PRKAR1B: variants seen among roughly 807,000 people sequenced by gnomAD.
The protein encoded by PRKAR1B is cAMP-dependent protein kinase type I-beta regulatory subunit.
PRKAR1B carries 22 observed loss-of-function variants against 46.5 expected under a neutral mutation model. The observed-to-expected ratio is 0.47, with a 90% CI of 0.34 to 0.68. PRKAR1B has a LOEUF of 0.68. Among genes scored for constraint, PRKAR1B ranks in the 30% least tolerant of loss-of-function variants. The pLI, the probability that PRKAR1B is intolerant of heterozygous loss-of-function variation, is 0.01. For missense variants in PRKAR1B, 445 were observed against 535.6 expected (o/e 0.83, Z 1.67); for synonymous variants, 259 against 217.7 (o/e 1.19, Z -1.67).
intron 4 of PRKAR1B, among the ~76,000 whole-genome samples, chr7:669,328 G>T (rs192386503): frequency 1.8e-3 from 279 of 152,306 alleles, no homozygotes; most frequent in Non-Finnish European, 3.4e-3. Flanking sequence ...GGCTATCAGG[G>T]GCCCAGGAGG....
chr7:640,763 C>G (rs1784345311), intron 4 of PRKAR1B, among the ~76,000 whole-genome samples: 1 of 112,602 alleles, frequency 8.9e-6, no homozygotes, highest in South Asian at 3.3e-4. Flanking sequence ...AACTCTGTCT[C>G]AAACACACAC....
At chr7:552,175 C>G (rs111434208) in intron 9 of PRKAR1B, among the ~76,000 whole-genome samples, 1 of 99,268 alleles carries the variant, frequency 1.0e-5, no homozygotes, top group African/African-American at 4.7e-5. Context: ...ACGTCACCAC[C>G]CAAACCCCCA....
At chr7:607,536 G>A (rs1782166169) in intron 4 of PRKAR1B, 84 bp from the exon 5 acceptor site, 8 of 1,188,836 alleles carry the variant, frequency 6.7e-6, no homozygotes, top group Middle Eastern at 1.9e-4. Flanking sequence ...ACAGTCTTGT[G>A]TAAATCGCTT....
At chr7:606,927 T>C (rs537437823) in intron 5 of PRKAR1B, among the ~76,000 whole-genome samples, 5 of 151,102 alleles carry the variant, frequency 3.3e-5, no homozygotes, top group Non-Finnish European at 5.9e-5. Flanking sequence ...TGTACACACA[T>C]ATGTGTGCAC....
intron 4 of PRKAR1B, among the ~76,000 whole-genome samples, chr7:620,802 C>T (rs555101528): frequency 1.3e-5 from 2 of 152,276 alleles, no homozygotes; most frequent in East Asian, 1.9e-4. Flanking sequence ...TATAGCATTG[C>T]CGGGACCTCC....
chr7:637,864 A>G (rs1489797544), intron 4 of PRKAR1B, among the ~76,000 whole-genome samples: 1 of 152,156 alleles, frequency 6.6e-6, no homozygotes, highest in African/African-American at 2.4e-5. Flanking sequence ...AATAACAGGG[A>G]AGATGGGGGC....
At chr7:679,568 G>A (rs1287130896) in intron 3 of PRKAR1B, among the ~76,000 whole-genome samples, 1 of 152,234 alleles carries the variant, frequency 6.6e-6, no homozygotes, top group Non-Finnish European at 1.5e-5. Flanking sequence ...CTGCGGAAAG[G>A]AATGGGGTGT....
chr7:707,972 C>T (rs1392318054), intron 2 of PRKAR1B, among the ~76,000 whole-genome samples: 1 of 151,786 alleles, frequency 6.6e-6, no homozygotes, highest in African/African-American at 2.4e-5. Flanking sequence ...TCCCACCACA[C>T]CTTGATCTCA....
At chr7:662,141 TC>T (rs1785616080) in intron 4 of PRKAR1B, among the ~76,000 whole-genome samples, 1 of 55,976 alleles carries the variant, frequency 1.8e-5, no homozygotes, top group African/African-American at 7.9e-5. Flanking sequence ...ACTTACTCTT[TC>T]CCTCCATGGC....
intron 2 of PRKAR1B, among the ~76,000 whole-genome samples, chr7:689,202 G>C (rs1318338869): frequency 6.6e-6 from 1 of 151,654 alleles, no homozygotes; most frequent in Non-Finnish European, 1.5e-5. Context: ...TGCAAGCTCT[G>C]CCTCTGCCTC....
intron 4 of PRKAR1B, among the ~76,000 whole-genome samples, chr7:630,812 C>A (rs908624019): frequency 5.9e-5 from 9 of 152,294 alleles, no homozygotes; most frequent in African/African-American, 2.2e-4. Context: ...GCACACCCCC[C>A]CCACCATCTC....
chr7:631,956 CAAA>C (rs35750745), intron 4 of PRKAR1B, among the ~76,000 whole-genome samples: 10 of 147,880 alleles, frequency 6.8e-5, no homozygotes, highest in African/African-American at 2.2e-4. Context: ...GACCCTGTCT[CAAA>C]AAAAAAAGCA....
chr7:568,252 G>C (rs1779292290), intron 9 of PRKAR1B, among the ~76,000 whole-genome samples: 1 of 152,084 alleles, frequency 6.6e-6, no homozygotes, highest in South Asian at 2.1e-4. Context: ...CTGGAGGCAT[G>C]GCCGAGCCAC....
Position 550,548 on chromosome 7 carries a change from C to T in PRKAR1B, c.1028G>A (p.Gly343Glu), listed in dbSNP as rs1039837379. 7 of 1,604,704 alleles carry T rather than the reference C, an allele frequency of 4.4e-6. No homozygotes were observed. In the African/African-American group the frequency reaches 8.0e-5, roughly 18 times the overall value. The stretch of plus-strand genomic sequence containing the variant: ...GTCCAGCTTCACACACTTGAGGGGC[C>T]CCCGGGCCACGACAGTGGCCGCCCG... ...RPRAATVVAR[G>E]PLKCVKLDRP... The change falls in exon 11 of 11, where the codon GGG becomes GAG. Residue 343 changes from glycine (G) to glutamate (E), a missense_variant. Gly to Glu is a moderately conservative substitution (Grantham distance 98). This residue lies in a region of PRKAR1B where 127 missense variants were observed against 138.0 expected (regional missense o/e 0.92). Transcript: ENST00000537384.
At chr7:569,241 G>A (rs1779356931) in intron 9 of PRKAR1B, among the ~76,000 whole-genome samples, 4 of 152,176 alleles carry the variant, frequency 2.6e-5, no homozygotes, top group Non-Finnish European at 5.9e-5. Context: ...CAGAAACCCT[G>A]AGCGTGAGCT....
At chr7:676,841 G>A (rs765891259) in intron 4 of PRKAR1B, among the ~76,000 whole-genome samples, 16 of 151,266 alleles carry the variant, frequency 1.1e-4, no homozygotes, top group African/African-American at 3.6e-4. Context: ...AGGGCAAGGA[G>A]GGTGGTGGTG....
At position 550,066 on chromosome 7, in the gene PRKAR1B, G is replaced by A. The variant is rs534899813; in HGVS notation, c.*364C>T. The stretch of plus-strand genomic sequence containing the variant: ...ACCTCACAGGGTCACCAGGCCCCAG[G>A]GGCAACGTCCTGGCCTGGTTCTGGG... On this transcript the variant is annotated 3_prime_UTR_variant, in exon 11 of 11. Coordinates refer to ENST00000537384, the MANE Select transcript of PRKAR1B (RefSeq NM_001164760.2). 1 of 233,778 alleles carries A rather than the reference G, an allele frequency of 4.3e-6. No individual in the cohort carries two copies. The highest frequency in any genetic ancestry group is 5.7e-5 in the South Asian group (1 of 17,548). 14.5% of individuals were successfully genotyped at this position (233,778 alleles called of 1,614,324 possible).
intron 4 of PRKAR1B, among the ~76,000 whole-genome samples, chr7:634,542 G>A (rs887425043): frequency 2.9e-4 from 44 of 152,092 alleles, no homozygotes; most frequent in African/African-American, 9.7e-4. Context: ...AGGGTGCTGC[G>A]TGCAGGGTGA....
intron 2 of PRKAR1B, among the ~76,000 whole-genome samples, chr7:709,396 G>A (rs1323934019): frequency 2.7e-5 from 4 of 145,592 alleles, no homozygotes; most frequent in Non-Finnish European, 6.0e-5. Flanking sequence ...TTTTTGAGAC[G>A]GAGTCTCGCT....
Sources: allele counts gnomAD v4.1 joint callset (sites outside exome capture counted in the v4.1 genomes callset), GRCh38; gene constraint gnomAD v4.1.1; regional missense constraint gnomAD v4.1.1; transcripts MANE v1.5; gene names NCBI Gene and HGNC (gene_info 2026-07-23, HGNC 2026-07-21).